AK5: variants seen among roughly 807,000 people sequenced by gnomAD.
AK5 encodes the protein adenylate kinase 5, also known as adenylate kinase isoenzyme 5.
A neutral mutation model predicts 69.5 loss-of-function variants in AK5; 27 were observed. That is an observed-to-expected ratio of 0.39 (90% confidence interval 0.29 to 0.54). The LOEUF (loss-of-function observed/expected upper bound fraction) is 0.54, where lower values mean the gene tolerates loss of function less well. Among genes scored for constraint, AK5 ranks in the 20% least tolerant of loss-of-function variants. The pLI is 0.71. For missense variants in AK5, 531 were observed against 700.4 expected (o/e 0.76, Z 2.73); for synonymous variants, 260 against 244.4 (o/e 1.06, Z -0.60).
chr1:77,291,584 C>A (rs1658687913), intron 2 of AK5, among the ~76,000 whole-genome samples: 1 of 152,056 alleles, frequency 6.6e-6, no homozygotes, highest in Non-Finnish European at 1.5e-5. Context: ...CCATATTGAA[C>A]CACGCTCTAC....
chr1:77,551,443 G>A (rs1390396286), intron 13 of AK5, among the ~76,000 whole-genome samples: 2 of 152,132 alleles, frequency 1.3e-5, no homozygotes, highest in East Asian at 1.9e-4. Context: ...ACAGGGGCAA[G>A]CACTACAGTA....
At chr1:77,465,267 G>A (rs573075461) in intron 8 of AK5, among the ~76,000 whole-genome samples, 1 of 152,160 alleles carries the variant, frequency 6.6e-6, no homozygotes, top group East Asian at 1.9e-4. Flanking sequence ...TTTTTTTAAA[G>A]TTCACTGCAA....
At chr1:77,376,838 G>C (rs184875172) in intron 6 of AK5, among the ~76,000 whole-genome samples, 2 of 152,136 alleles carry the variant, frequency 1.3e-5, no homozygotes, top group East Asian at 3.9e-4. Flanking sequence ...TGAGAGGATC[G>C]CTTGAGTCTG....
At chr1:77,392,939 A>T (rs1648583951) in intron 6 of AK5, among the ~76,000 whole-genome samples, 1 of 151,452 alleles carries the variant, frequency 6.6e-6, no homozygotes, top group South Asian at 2.1e-4. Context: ...ATTTATTTAG[A>T]TTTATATTTT....
At chr1:77,537,475 G>A (rs1659035286) in intron 13 of AK5, among the ~76,000 whole-genome samples, 2 of 152,148 alleles carry the variant, frequency 1.3e-5, no homozygotes, top group Admixed American at 1.3e-4. Context: ...TCATCCTTAT[G>A]GGGAATGGAT....
At chr1:77,528,537 A>C (rs183636776) in intron 12 of AK5, among the ~76,000 whole-genome samples, 1 of 152,324 alleles carries the variant, frequency 6.6e-6, no homozygotes, top group African/African-American at 2.4e-5. Flanking sequence ...ATCAAATGCA[A>C]ACTAATGTCC....
intron 6 of AK5, among the ~76,000 whole-genome samples, chr1:77,367,459 C>CACAG (rs373309005): frequency 0.74 from 106,962 of 143,874 alleles, 40,188 homozygotes; most frequent in East Asian, 0.82. Flanking sequence ...AGTAGCTAGG[C>CACAG]GCATGCACCA....
chr1:77,324,071 G>A (rs1242052245), intron 5 of AK5, among the ~76,000 whole-genome samples: 1 of 152,178 alleles, frequency 6.6e-6, no homozygotes, highest in African/African-American at 2.4e-5. Flanking sequence ...CAAGGCACCA[G>A]CACAATTTGA....
chr1:77,414,083 T>A (rs181192479), intron 7 of AK5, among the ~76,000 whole-genome samples: 3 of 152,214 alleles, frequency 2.0e-5, no homozygotes, highest in African/African-American at 7.2e-5. Context: ...CATGGATCAA[T>A]GAGAGCAAGA....
At chr1:77,304,920 C>T (rs1182312000) in intron 5 of AK5, among the ~76,000 whole-genome samples, 1 of 152,166 alleles carries the variant, frequency 6.6e-6, no homozygotes, top group East Asian at 1.9e-4. Context: ...CCAAACTGTT[C>T]TTCCTAGTGG....
intron 5 of AK5, among the ~76,000 whole-genome samples, chr1:77,336,269 A>G (rs1292279446): frequency 1.3e-5 from 2 of 151,920 alleles, no homozygotes; most frequent in Non-Finnish European, 2.9e-5. Flanking sequence ...TTTAGTGGAG[A>G]CAGGGTTTCA....
chr1:77,553,155 A>T (rs1659901026), intron 13 of AK5, among the ~76,000 whole-genome samples: 2 of 152,200 alleles, frequency 1.3e-5, no homozygotes, highest in African/African-American at 4.8e-5. Context: ...AATTTGGAAA[A>T]TCATATATAA....
chr1:77,378,106 A>C (rs1051283007), intron 6 of AK5, among the ~76,000 whole-genome samples: 2 of 152,194 alleles, frequency 1.3e-5, no homozygotes, highest in Non-Finnish European at 2.9e-5. Context: ...AAGTTCTCTC[A>C]GTTTTCCAGA....
chr1:77,486,422 G>A, intron 10 of AK5, 70 bp downstream of exon 10: 2 of 1,217,416 alleles, frequency 1.6e-6, no homozygotes, highest in Non-Finnish European at 2.4e-6. Context: ...TGGGCCAGGT[G>A]CGGTGGCTTA....
At chr1:77,306,985 T>C (rs546924905) in intron 5 of AK5, among the ~76,000 whole-genome samples, 3 of 152,140 alleles carry the variant, frequency 2.0e-5, no homozygotes, top group African/African-American at 7.2e-5. Flanking sequence ...CTCTTTTTTT[T>C]CCTAGCCTGG....
At chr1:77,466,355 C>T (rs1411136937) in intron 8 of AK5, among the ~76,000 whole-genome samples, 4 of 152,288 alleles carry the variant, frequency 2.6e-5, no homozygotes, top group Non-Finnish European at 5.9e-5. Flanking sequence ...TTTATATACA[C>T]CCATGTTCAA....
chr1:77,306,063 T>C (rs1659619518), intron 5 of AK5, among the ~76,000 whole-genome samples: 1 of 152,126 alleles, frequency 6.6e-6, no homozygotes, highest in Non-Finnish European at 1.5e-5. Flanking sequence ...GGTTAATTCC[T>C]AGGTATTTAA....
intron 10 of AK5, among the ~76,000 whole-genome samples, chr1:77,489,442 G>A (rs1655836970): frequency 6.6e-6 from 1 of 152,192 alleles, no homozygotes; most frequent in South Asian, 2.1e-4. Flanking sequence ...TAAGGCCTTA[G>A]TTCTAAATAT....
At chr1:77,392,609 C>A (rs367885311) in intron 6 of AK5, among the ~76,000 whole-genome samples, 1 of 152,194 alleles carries the variant, frequency 6.6e-6, no homozygotes, top group South Asian at 2.1e-4. Flanking sequence ...TCAACTCTCT[C>A]GGCTGTCATT....
Sources: allele counts gnomAD v4.1 joint callset (sites outside exome capture counted in the v4.1 genomes callset), GRCh38; gene constraint gnomAD v4.1.1; transcripts MANE v1.5; gene names NCBI Gene and HGNC (gene_info 2026-07-23, HGNC 2026-07-21).